PRR14L: variants seen among roughly 807,000 people sequenced by gnomAD.
The protein encoded by PRR14L is proline rich 14 like.
In PRR14L, 80 loss-of-function variants were observed where a neutral mutation model predicts 155.0. The ratio of observed to expected loss-of-function variants is 0.52; its 90% CI spans 0.43 to 0.62. PRR14L has a LOEUF of 0.62. Ranked by LOEUF, PRR14L falls within the 20% of genes least tolerant of loss-of-function variation. PRR14L has a pLI of 0.00. For missense variants in PRR14L, 2,469 were observed against 2,548.0 expected, an observed-to-expected ratio of 0.97 and a Z score of 0.67; for synonymous variants, 883 against 916.0, an observed-to-expected ratio of 0.96 and a Z score of 0.65.
intron 2 of PRR14L, 33 bp from the exon 3 acceptor site, chr22:31,725,643 T>C (rs530908108): frequency 1.1e-5 from 13 of 1,232,914 alleles, no homozygotes; most frequent in Non-Finnish European, 1.5e-5. Flanking sequence ...TCAAGGGGGA[T>C]TCAGAAGATT....
intron 2 of PRR14L, 115 bp from the exon 3 acceptor site, chr22:31,725,725 A>G (rs181971464): frequency 4.9e-5 from 33 of 678,316 alleles, no homozygotes; most frequent in African/African-American, 3.8e-4. Flanking sequence ...CTGAAGTGCA[A>G]TGGTTAGATC....
chr22:31,724,842 A>G (rs982317945), intron 3 of PRR14L, among the ~76,000 whole-genome samples: 3 of 152,164 alleles, frequency 2.0e-5, no homozygotes, highest in Non-Finnish European at 2.9e-5. Context: ...AACCAACCTA[A>G]AAGTAATAAT....
chr22:31,697,118 AAAACAAAC>A (rs147706528), intron 7 of PRR14L, among the ~76,000 whole-genome samples: 17,254 of 150,936 alleles, frequency 0.11, 1,329 homozygotes, highest in African/African-American at 0.22. Flanking sequence ...TCCTTCTCAA[AAAACAAAC>A]AAACAAACAA....
At position 31,699,098 on chromosome 22, in the gene PRR14L, G is replaced by A. The variant is rs138399691; in HGVS notation, c.6107+2558C>T. Reference sequence around the variant, plus strand: ...CCAGCCCAGGCTGGAGTGCAGTGCCGCGACCTCGGCTCACTGTAACCTCCG... The same window carrying A: ...CCAGCCCAGGCTGGAGTGCAGTGCCACGACCTCGGCTCACTGTAACCTCCG... On this transcript the variant is annotated intron_variant, in intron 7 of 8. Coordinates refer to ENST00000327423, the MANE Select transcript of PRR14L (RefSeq NM_173566.3). 5.1e-3 allele frequency among the ~76,000 whole-genome samples: 780 copies of A among 151,872 alleles called. 6 individuals carry two copies. The highest frequency in any genetic ancestry group is 0.041 in the Middle Eastern group (12 of 294).
At chr22:31,730,303 T>C (rs1287121321) in intron 2 of PRR14L, among the ~76,000 whole-genome samples, 1 of 152,048 alleles carries the variant, frequency 6.6e-6, no homozygotes, top group African/African-American at 2.4e-5. Flanking sequence ...CTGGCCATGG[T>C]GGCACGTGCC....
In PRR14L at chr22:31,712,198, C is replaced by T; in HGVS notation, c.5641G>A (p.Val1881Met). 1 of 1,613,876 alleles carries T rather than the reference C, an allele frequency of 6.2e-7. No homozygotes were observed. Residue 1881 changes from valine to methionine, a missense_variant, in exon 4 of 9, where the codon GTG (valine) becomes ATG (methionine). Physicochemically the swap from Val to Met is conservative, Grantham distance 21. Transcript: ENST00000327423. ...DKVFCSLPYS[V>M]GRVLSIWSQH... ...CTCCAAATGGATAGGACTCTGCCCA[C>T]CGAGTAGGGCAGAGAACAGAAGACC...
rs763710604 is a variant in PRR14L at position 31,714,666 on chromosome 22, G to A, written c.3173C>T (p.Thr1058Met). The stretch of plus-strand genomic sequence containing the variant: ...TTCTGCAAGCTTATTACTACAGTCC[G>A]TGTAGACGATGTCTACCATACCTTC... ...STEGMVDIVY[T>M]DCSNKLAEGV... Residue 1058 changes from threonine (T) to methionine (M), a missense_variant, in exon 4 of 9, where the codon ACG becomes ATG. Around this residue, in one of 2 missense-constraint regions of PRR14L, gnomAD observed 2,363 missense variants for 2,371.6 expected, o/e 1.00. Transcript: ENST00000327423. 1.4e-5 allele frequency: 22 copies of A among 1,552,056 alleles called. No homozygotes were observed. In the East Asian group the frequency reaches 1.5e-4, roughly 10 times the overall value.
chr22:31,697,582 T>A (rs1374350899), intron 7 of PRR14L, among the ~76,000 whole-genome samples: 1 of 152,096 alleles, frequency 6.6e-6, no homozygotes. Flanking sequence ...AACATATACA[T>A]GGGATCGGCA....
Position 31,715,772 on chromosome 22 carries a change from G to A in PRR14L, c.2067C>T (p.Ser689=), listed in dbSNP as rs2074655103. The A allele has an allele frequency of 6.4e-7, 1 of 1,551,344 alleles. No individual in the cohort carries two copies. Among genetic ancestry groups the A allele is most frequent in the African/African-American group, 1.4e-5 (1 of 73,028 alleles). The change falls in exon 4 of 9, where the codon AGC becomes AGT. Residue 689 remains serine, a synonymous_variant. Coordinates refer to ENST00000327423, the MANE Select transcript of PRR14L (RefSeq NM_173566.3). ...CTCTACCCTCTAATGGAGGGTGATG[G>A]CTCTGATGGGCATCTCTGCCTGTTG... is the stretch of plus-strand genomic sequence containing the variant. ...PLATGRDAHQ[S]HHPPLEGRAD...
At chr22:31,729,067 A>G (rs1054691865) in intron 2 of PRR14L, among the ~76,000 whole-genome samples, 8 of 152,138 alleles carry the variant, frequency 5.3e-5, no homozygotes, top group African/African-American at 1.9e-4. Context: ...CCTTCCTCCT[A>G]CAAGAGTGGA....
intron 8 of PRR14L, 30 bp from the exon 9 acceptor site, chr22:31,685,833 C>T (rs1192567606): frequency 6.5e-7 from 1 of 1,542,562 alleles, no homozygotes; most frequent in Admixed American, 2.0e-5. Context: ...CAATCACCAA[C>T]AGACTGACTC....
At chr22:31,745,840 GT>G (rs1240130184) in intron 1 of PRR14L, among the ~76,000 whole-genome samples, 3 of 122,116 alleles carry the variant, frequency 2.5e-5, no homozygotes, top group Non-Finnish European at 5.0e-5. Flanking sequence ...GGGAGACTCA[GT>G]TTAAAAAAAA....
chr22:31,693,681 C>T (rs916801610), intron 7 of PRR14L, among the ~76,000 whole-genome samples: 3 of 152,122 alleles, frequency 2.0e-5, no homozygotes, highest in African/African-American at 7.2e-5. Context: ...ATTTTGCATT[C>T]CCACCAGCAG....
In PRR14L at chr22:31,706,364, CAA is replaced by C. The variant is rs1192585065; in HGVS notation, c.5757-1640_5757-1639del. Among the ~76,000 whole-genome samples the C allele has an allele frequency of 3.5e-4, 20 of 57,082 alleles. No individual in the cohort carries two copies. In the East Asian group the frequency reaches 3.7e-3, roughly 11 times the overall value. The allele number at this position is 57,082 out of a possible 152,430, so 37.4% of individuals were successfully genotyped here. A position where few individuals can be genotyped will look rare whatever the true frequency, so the allele number is the denominator to read the frequency against. On this transcript the variant is annotated intron_variant, in intron 4 of 8. Transcript: ENST00000327423. Reference sequence around the variant, plus strand: ...GGCGACAGAGCAAGACTCTATCTCACAAAAAAAAAAAAAAAAAAGGAGAAAAC... The same window carrying C: ...GGCGACAGAGCAAGACTCTATCTCACAAAAAAAAAAAAAAAAGGAGAAAAC...
chr22:31,725,505 GGA>G, intron 3 of PRR14L, 31 bp downstream of exon 3: 1 of 1,396,318 alleles, frequency 7.2e-7, no homozygotes, highest in Non-Finnish European at 9.9e-7. Flanking sequence ...TGCAGTAAGT[GGA>G]TAAAGGAAGA....
intron 8 of PRR14L, among the ~76,000 whole-genome samples, chr22:31,686,447 GTCTCAC>G (rs2074483256): frequency 6.6e-6 from 1 of 151,390 alleles, no homozygotes; most frequent in African/African-American, 2.4e-5. Context: ...TTGAGACAGG[GTCTCAC>G]TCTGTTACTC....
Position 31,685,138 on chromosome 22 carries a change from C to T in PRR14L, c.*389G>A, listed in dbSNP as rs966409212. 25 of 186,512 alleles carry T rather than the reference C, an allele frequency of 1.3e-4. No homozygotes were observed. The highest frequency in any genetic ancestry group is 1.0e-3 in the Admixed American group (19 of 18,674). The allele number at this position is 186,512 out of a possible 1,614,324, so 11.6% of individuals were successfully genotyped here. ...TCTAATAATCTTGGTCTAGCACCAC[C>T]GTAAACAAAGCGGAACTTTCATATG... On this transcript the variant is annotated 3_prime_UTR_variant, in exon 9 of 9. Transcript: ENST00000327423.
chr22:31,704,388 T>C (rs2074578736), intron 5 of PRR14L: 1 of 299,352 alleles, frequency 3.3e-6, no homozygotes, highest in Non-Finnish European at 6.3e-6. Context: ...TGAAATAGCT[T>C]GAGAGGGGAC....
At chr22:31,740,747 G>A (rs935217830) in intron 1 of PRR14L, among the ~76,000 whole-genome samples, 1 of 152,114 alleles carries the variant, frequency 6.6e-6, no homozygotes, top group Non-Finnish European at 1.5e-5. Flanking sequence ...GTAAAAGAGC[G>A]TAACGTTATA....
Sources: allele counts gnomAD v4.1 joint callset (sites outside exome capture counted in the v4.1 genomes callset), GRCh38; gene constraint gnomAD v4.1.1; regional missense constraint gnomAD v4.1.1; transcripts MANE v1.5; gene names NCBI Gene and HGNC (gene_info 2026-07-23, HGNC 2026-07-21).